The following PIK3CD variants were observed in gnomAD, a reference collection of about 807,000 sequenced individuals.
PIK3CD encodes the protein phosphatidylinositol 4,5-bisphosphate 3-kinase catalytic subunit delta isoform.
In PIK3CD, 20 loss-of-function variants were observed where a neutral mutation model predicts 122.9. That is an observed-to-expected ratio of 0.16 (90% CI 0.11 to 0.24). PIK3CD has a LOEUF of 0.24. PIK3CD is among the 10% of genes least tolerant of loss of function. The pLI, the probability that PIK3CD is intolerant of heterozygous loss-of-function variation, is 1.00. For missense variants in PIK3CD, 787 were observed against 1,406.3 expected (o/e 0.56, Z 7.04); for synonymous variants, 596 against 593.4 (o/e 1.00, Z -0.06).
chr1:9,652,435 G>A lies in PIK3CD; in HGVS notation c.-138+633G>A, dbSNP rs898132665. 6.6e-6 allele frequency among the ~76,000 whole-genome samples: 1 copy of A among 152,186 alleles called. No homozygotes were observed. The highest frequency in any genetic ancestry group is 1.5e-5 in the Non-Finnish European group (1 of 68,022). On this transcript the variant is annotated intron_variant, in intron 1 of 23. Coordinates refer to ENST00000377346, the MANE Select transcript of PIK3CD (RefSeq NM_005026.5). This position sits in a 1 kb window ranked among gnomAD's most constrained non-coding sequence, Gnocchi z 6.2. Reference sequence around the variant, plus strand: ...GGGCTTCCTCCCGGCTCGTGGACCCGCGCCCCGCCTCCCAGTCCCGGGCCT... The same window carrying A: ...GGGCTTCCTCCCGGCTCGTGGACCCACGCCCCGCCTCCCAGTCCCGGGCCT...
At position 9,719,881 on chromosome 1, in the gene PIK3CD, C is replaced by T. The variant is rs202224186; in HGVS notation, c.1243-40C>T. On this transcript the variant is annotated intron_variant, in intron 9 of 23. Coordinates refer to ENST00000377346, the MANE Select transcript of PIK3CD (RefSeq NM_005026.5). The surrounding 1 kb of genome is among the most constrained non-coding windows in gnomAD (Gnocchi z 5.5). The stretch of plus-strand genomic sequence containing the variant: ...AGGGCAGGGAAGCTGGGTCTGGAGG[C>T]CCCTGAGTGGCTGTCCTCACCTGCC... The T allele has an allele frequency of 3.1e-5, 48 of 1,536,258 alleles. No individual in the cohort carries two copies. The East Asian group carries it at 1.1e-3, about 34-fold the overall frequency.
intron 1 of PIK3CD, among the ~76,000 whole-genome samples, chr1:9,690,408 C>G (rs1039861147): frequency 3.4e-4 from 52 of 152,336 alleles, no homozygotes; most frequent in African/African-American, 1.3e-3. Context: ...ATGATCCTGT[C>G]TCATTTCCCT....
the PIK3CD span, among the ~76,000 whole-genome samples, chr1:9,641,705 C>T: frequency 6.6e-6 from 1 of 152,120 alleles, no homozygotes; most frequent in South Asian, 2.1e-4. Context: ...AACCCCTGAC[C>T]CTCTAAGTCA....
chr1:9,687,899 C>T (rs1462634262), intron 1 of PIK3CD, among the ~76,000 whole-genome samples: 2 of 151,632 alleles, frequency 1.3e-5, no homozygotes, highest in Non-Finnish European at 2.9e-5. Context: ...TGGACTCCCT[C>T]TCTTCTCTCT....
chr1:9,637,472 C>T, the PIK3CD span, among the ~76,000 whole-genome samples: 3 of 152,174 alleles, frequency 2.0e-5, no homozygotes, highest in African/African-American at 7.2e-5. Flanking sequence ...GCCATGATCA[C>T]ACCACTACAC....
chr1:9,719,945 C>T lies in PIK3CD; in HGVS notation c.1267C>T (p.Leu423Phe). The change falls in exon 10 of 24, where the codon CTC becomes TTC. Residue 423 changes from leucine to phenylalanine, a missense_variant. By Grantham distance (22) the Leu-to-Phe change is conservative (BLOSUM62 0). Coordinates refer to ENST00000377346, the MANE Select transcript of PIK3CD (RefSeq NM_005026.5). This position sits in a 1 kb window ranked among gnomAD's most constrained non-coding sequence, Gnocchi z 5.5. ...KADCPIAWAN[L>F]MLFDYKDQLK... ...GGACTGCCCCATTGCCTGGGCCAACCTCATGCTGTTTGACTACAAGGACCA... is the reference window on the plus strand; with the variant it reads ...GGACTGCCCCATTGCCTGGGCCAACTTCATGCTGTTTGACTACAAGGACCA... The T allele has an allele frequency of 6.2e-7, 1 of 1,613,836 alleles. No individual in the cohort carries two copies. Among genetic ancestry groups the T allele is most frequent in the East Asian group, 2.2e-5 (1 of 44,880 alleles).
At chr1:9,648,059 G>C (rs1024758920), upstream of PIK3CD, among the ~76,000 whole-genome samples, 7 of 152,180 alleles carry the variant, frequency 4.6e-5, no homozygotes, top group African/African-American at 1.7e-4. Flanking sequence ...GGTTTGGTCT[G>C]TTGGACCCGG....
In PIK3CD at chr1:9,715,087, G is replaced by C. The variant is rs1647230598; in HGVS notation, c.142-454G>C. On this transcript the variant is annotated intron_variant, in intron 3 of 23. Coordinates refer to ENST00000377346, the MANE Select transcript of PIK3CD (RefSeq NM_005026.5). The surrounding 1 kb of genome is among the most constrained non-coding windows in gnomAD (Gnocchi z 4.1). ...AGCTACTCGGGAGGCTGAGGCAAGA[G>C]AATCACTTGAACCTGGGAAGCAGAG... Among the ~76,000 whole-genome samples the C allele has an allele frequency of 6.6e-6, 1 of 152,176 alleles. No homozygotes were observed. The highest frequency in any genetic ancestry group is 1.5e-5 in the Non-Finnish European group (1 of 68,030).
chr1:9,678,814 A>G (rs1158185109), intron 1 of PIK3CD, among the ~76,000 whole-genome samples: 1 of 152,232 alleles, frequency 6.6e-6, no homozygotes. Context: ...ACATTGCACA[A>G]GTTTGCCCCT....
At chr1:9,629,797 C>A in the PIK3CD span, among the ~76,000 whole-genome samples, 2 of 152,218 alleles carry the variant, frequency 1.3e-5, no homozygotes, top group African/African-American at 2.4e-5. Flanking sequence ...GGGCCGGGAC[C>A]GCCCCTGAGC....
chr1:9,628,683 C>T, the PIK3CD span, among the ~76,000 whole-genome samples: 1 of 152,068 alleles, frequency 6.6e-6, no homozygotes, highest in South Asian at 2.1e-4. Context: ...AGTTGGTGGC[C>T]CTGGTGAGAT....
At position 9,727,270 on chromosome 1, in the gene PIK3CD, C is replaced by A; in HGVS notation, c.*224C>A. 1.7e-6 allele frequency: 1 copy of A among 586,324 alleles called. No individual in the cohort carries two copies. Among genetic ancestry groups the A allele is most frequent in the Non-Finnish European group, 3.0e-6 (1 of 330,280 alleles). 36.3% of individuals were successfully genotyped at this position (586,324 alleles called of 1,614,324 possible). On this transcript the variant is annotated 3_prime_UTR_variant, in exon 24 of 24. Coordinates refer to ENST00000377346, the MANE Select transcript of PIK3CD (RefSeq NM_005026.5). The stretch of plus-strand genomic sequence containing the variant: ...CTTCATGCAGCGGCGGTGCTGGGCC[C>A]CCCGAGGCTGCACCTGGCTCTCGGC...
intron 1 of PIK3CD, among the ~76,000 whole-genome samples, chr1:9,681,662 G>A (rs953002636): frequency 1.1e-4 from 16 of 152,100 alleles, no homozygotes; most frequent in African/African-American, 2.2e-4. Context: ...TCCCCGCCTC[G>A]GGCTCCAAAA....
intron 1 of PIK3CD, among the ~76,000 whole-genome samples, chr1:9,679,936 T>TG (rs957004284): frequency 9.2e-5 from 14 of 152,214 alleles, no homozygotes; most frequent in Non-Finnish European, 2.1e-4. Flanking sequence ...GTGATCCTTC[T>TG]GTTTCAGCCT....
rs1263836244 is a variant in PIK3CD, at chr1:9,652,613, G to C, written c.-138+811G>C. The C allele has an allele frequency of 6.6e-6, 1 of 152,238 alleles. No individual in the cohort carries two copies. Among genetic ancestry groups the C allele is most frequent in the African/African-American group, 2.4e-5 (1 of 41,454 alleles). 9.4% of individuals were successfully genotyped at this position (152,238 alleles called of 1,614,324 possible). The stretch of plus-strand genomic sequence containing the variant: ...CTTACCCGTAATTCAGCCTGAATGA[G>C]GCTTTTTAAAAAAATCGAGTTTCCT... On this transcript the variant is annotated intron_variant, in intron 1 of 23. Coordinates refer to ENST00000377346, the MANE Select transcript of PIK3CD (RefSeq NM_005026.5). The surrounding 1 kb of genome is among the most constrained non-coding windows in gnomAD (Gnocchi z 6.2).
At chr1:9,646,104 G>A in the PIK3CD span, among the ~76,000 whole-genome samples, 2 of 151,938 alleles carry the variant, frequency 1.3e-5, no homozygotes, top group Admixed American at 6.6e-5. Flanking sequence ...GAGGCCTAAC[G>A]AGACCCATGG....
rs370873989 is a variant in PIK3CD, at chr1:9,699,158, TATG to T, written c.-33+7595_-33+7597del. ...TTACGAGGTCAAGGCTACAGTGAGC[TATG>T]ATGATGACACTGTACTCCAGCCAGG... On this transcript the variant is annotated intron_variant, in intron 2 of 23. Transcript: ENST00000377346. Among the ~76,000 whole-genome samples the T allele has an allele frequency of 7.9e-5, 12 of 152,206 alleles. No individual in the cohort carries two copies. In the East Asian group the frequency reaches 2.3e-3, roughly 29 times the overall value.
intron 1 of PIK3CD, among the ~76,000 whole-genome samples, chr1:9,685,651 G>A (rs1487477016): frequency 2.6e-5 from 4 of 152,200 alleles, no homozygotes; most frequent in South Asian, 2.1e-4. Context: ...GAGCCACTGC[G>A]CCCAGCAGTT....
At chr1:9,721,052 C>A in intron 13 of PIK3CD, 75 bp from the exon 14 acceptor site, 3 of 1,465,328 alleles carry the variant, frequency 2.0e-6, no homozygotes, top group Non-Finnish European at 1.9e-6. Flanking sequence ...CTGACCCTGG[C>A]TGGCCATCAC....
Sources: gnomAD v4.1 joint callset for allele counts (sites outside exome capture counted in the v4.1 genomes callset) on GRCh38, gnomAD v4.1.1 for gene constraint, Gnocchi (gnomAD v3.1) non-coding constraint, MANE v1.5 for transcripts, NCBI Gene and HGNC (gene_info 2026-07-23, HGNC 2026-07-21) for gene names.